NEBL: variants seen among roughly 807,000 people sequenced by gnomAD.
NEBL encodes LIM and SH3 protein 2.
Under a neutral mutation model 140.2 loss-of-function variants are expected in NEBL, and 122 were observed. The observed-to-expected ratio is 0.87, with a 90% CI of 0.75 to 1.01. The LOEUF is 1.01. Among genes scored for constraint, NEBL ranks in the 50% least tolerant of loss-of-function variants. The pLI is 0.00. For synonymous variants in NEBL, 436 were observed against 398.9 expected, an observed-to-expected ratio of 1.09 and a Z score of -1.11; for missense variants, 1,365 against 1,231.3, an observed-to-expected ratio of 1.11 and a Z score of -1.62.
At chr10:21,266,997 C>T (rs575505190) in intron 1 of NEBL, among the ~76,000 whole-genome samples, 28 of 151,658 alleles carry the variant, frequency 1.8e-4, no homozygotes, top group African/African-American at 5.3e-4. Context: ...TTTTTTCAGA[C>T]GGAGTCTCAC....
intron 3 of NEBL, among the ~76,000 whole-genome samples, chr10:20,969,544 CTTTTTTT>C (rs771623257): frequency 8.6e-6 from 1 of 115,754 alleles, no homozygotes; most frequent in Non-Finnish European, 1.8e-5. Flanking sequence ...TTTTTCTTTT[CTTTTTTT>C]TTTTTTTTTT....
rs1042410402 is a variant in NEBL, at chr10:21,066,759, T to C, written c.165-46558A>G. ...GTTCATTTACTGGGTCAAATGCATATTAGAATCTTAATTCCCATCTACAAA... is the reference window on the plus strand; with the variant it reads ...GTTCATTTACTGGGTCAAATGCATACTAGAATCTTAATTCCCATCTACAAA... On this transcript the variant is annotated intron_variant, in intron 2 of 6. Transcript: ENST00000417816. 2.6e-5 allele frequency among the ~76,000 whole-genome samples: 4 copies of C among 152,296 alleles called. No homozygotes were observed. In the Middle Eastern group the frequency reaches 0.01, roughly 389 times the overall value.
At chr10:21,266,949 GT>G (rs908183239) in intron 1 of NEBL, among the ~76,000 whole-genome samples, 3 of 151,142 alleles carry the variant, frequency 2.0e-5, no homozygotes, top group African/African-American at 7.3e-5. Flanking sequence ...GATAATTTTT[GT>G]TTTTTTTGTT....
At chr10:20,852,509 G>A in intron 10 of NEBL, 36 bp downstream of exon 10, 1 of 1,458,590 alleles carries the variant, frequency 6.9e-7, no homozygotes, top group Non-Finnish European at 9.6e-7. Flanking sequence ...CGGGTTGCTG[G>A]CAGGGAGGGT....
chr10:21,226,193 G>A (rs181124051), intron 3 of NEBL, among the ~76,000 whole-genome samples: 133 of 151,764 alleles, frequency 8.8e-4, no homozygotes, highest in Middle Eastern at 3.4e-3. Context: ...AGCTAGAGCC[G>A]AAATTGGGGC....
Position 20,784,033 on chromosome 10 carries a change from T to G in NEBL, c.*1714A>C, listed in dbSNP as rs773894091. 10 of 152,356 alleles carry G rather than the reference T, an allele frequency of 6.6e-5. No homozygotes were observed. The South Asian group carries it at 2.1e-3, about 32-fold the overall frequency. 9.4% of individuals were successfully genotyped at this position (152,356 alleles called of 1,614,324 possible). A position where few individuals can be genotyped will look rare whatever the true frequency, so the allele number is the denominator to read the frequency against. On this transcript the variant is annotated 3_prime_UTR_variant, in exon 28 of 28. Coordinates refer to ENST00000377122, the MANE Select transcript of NEBL (RefSeq NM_006393.3). ...TTTCAAAAGCATGTGCTAACTTTTCTAAAGTGGAAATAAATTAGCTTTGGC... is the reference window on the plus strand; with the variant it reads ...TTTCAAAAGCATGTGCTAACTTTTCGAAAGTGGAAATAAATTAGCTTTGGC...
chr10:20,790,538 T>C (rs1415256996), intron 26 of NEBL, among the ~76,000 whole-genome samples: 1 of 147,784 alleles, frequency 6.8e-6, no homozygotes, highest in African/African-American at 2.5e-5. Flanking sequence ...GAGGAGGAGG[T>C]TGCAATGAAC....
chr10:21,237,700 G>A (rs1228501763), intron 3 of NEBL, among the ~76,000 whole-genome samples: 5 of 151,838 alleles, frequency 3.3e-5, no homozygotes, highest in East Asian at 1.9e-4. Flanking sequence ...TCCACCTCCC[G>A]GGTTCAAGAA....
intron 4 of NEBL, among the ~76,000 whole-genome samples, chr10:20,938,806 G>T (rs1834663900): frequency 6.6e-6 from 1 of 152,192 alleles, no homozygotes; most frequent in Non-Finnish European, 1.5e-5. Context: ...AGCCTCAGTA[G>T]CCGATGCGAT....
At chr10:21,222,383 C>A (rs1272385762) in intron 3 of NEBL, among the ~76,000 whole-genome samples, 1 of 151,656 alleles carries the variant, frequency 6.6e-6, no homozygotes, top group East Asian at 1.9e-4. Context: ...ACGTATTTTG[C>A]TTTGCTTTTT....
chr10:20,845,346 T>C lies in NEBL; in HGVS notation c.1139A>G (p.Glu380Gly). The change falls in exon 12 of 28, where the codon GAG (glutamate) becomes GGG (glycine). Residue 380 changes from glutamate to glycine, a missense_variant. Transcript: ENST00000377122. ...QSEKVYKEDF[E>G]KEIKGRSSLD... ...TGATGACCTTCCTTTAATCTCCTTC[T>C]CAAAATCCTCTTTGTAAACTTTCTG... 6.3e-7 allele frequency: 1 copy of C among 1,598,040 alleles called. No individual in the cohort carries two copies.
At chr10:21,259,284 C>T (rs946657563) in intron 1 of NEBL, among the ~76,000 whole-genome samples, 1 of 152,052 alleles carries the variant, frequency 6.6e-6, no homozygotes, top group Non-Finnish European at 1.5e-5. Context: ...GACGGAGTTT[C>T]ACAACATTGG....
chr10:21,190,742 T>C (rs543680198), intron 3 of NEBL, among the ~76,000 whole-genome samples: 92 of 152,364 alleles, frequency 6.0e-4, no homozygotes, highest in African/African-American at 2.0e-3. Context: ...CTTCCTGATA[T>C]TGAAATGTCC....
At chr10:20,920,886 C>T (rs765314295) in intron 4 of NEBL, among the ~76,000 whole-genome samples, 4 of 152,108 alleles carry the variant, frequency 2.6e-5, no homozygotes, top group South Asian at 4.1e-4. Flanking sequence ...TATACACACA[C>T]ATTTTATAAA....
intron 7 of NEBL, among the ~76,000 whole-genome samples, chr10:20,864,839 C>A (rs1366806048): frequency 1.3e-5 from 2 of 152,102 alleles, no homozygotes; most frequent in Non-Finnish European, 2.9e-5. Context: ...GAGTTCATCC[C>A]AGAATTCCTA....
intron 4 of NEBL, among the ~76,000 whole-genome samples, chr10:20,919,633 G>A (rs1296116979): frequency 1.3e-5 from 2 of 151,996 alleles, no homozygotes; most frequent in African/African-American, 4.8e-5. Context: ...CAACAACACA[G>A]GAAAAGCATA....
intron 1 of NEBL, among the ~76,000 whole-genome samples, chr10:21,254,188 A>G (rs550990766): frequency 6.6e-6 from 1 of 152,268 alleles, no homozygotes; most frequent in South Asian, 2.1e-4. Flanking sequence ...CCCAAGCTGG[A>G]GTTCAACGGC....
At chr10:21,129,098 C>A (rs1218515138) in intron 2 of NEBL, among the ~76,000 whole-genome samples, 1 of 152,102 alleles carries the variant, frequency 6.6e-6, no homozygotes, top group Admixed American at 6.5e-5. Context: ...CTTTCTCAGA[C>A]AAACAAAAAT....
At chr10:21,248,504 T>C (rs1842547063) in intron 2 of NEBL, among the ~76,000 whole-genome samples, 1 of 152,218 alleles carries the variant, frequency 6.6e-6, no homozygotes. Flanking sequence ...AGAATTCTAT[T>C]CCTTATTAGG....
Sources: allele counts gnomAD v4.1 joint callset (sites outside exome capture counted in the v4.1 genomes callset), GRCh38; gene constraint gnomAD v4.1.1; transcripts MANE v1.5; gene names NCBI Gene and HGNC (gene_info 2026-07-23, HGNC 2026-07-21).